SLC24A2: variants seen among roughly 807,000 people sequenced by gnomAD.
SLC24A2 encodes solute carrier family 24 member 2.
Under a neutral mutation model 62.0 loss-of-function variants are expected in SLC24A2, and 36 were observed. The observed-to-expected ratio is 0.58, with a 90% confidence interval of 0.44 to 0.77. SLC24A2 has a LOEUF of 0.77. Among genes scored for constraint, SLC24A2 ranks in the 30% least tolerant of loss-of-function variants. The pLI is 0.00. For missense variants in SLC24A2, 846 were observed against 817.9 expected, an observed-to-expected ratio of 1.03 and a Z score of -0.42; for synonymous variants, 358 against 294.0, an observed-to-expected ratio of 1.22 and a Z score of -2.23.
At chr9:20,258,095 G>T in the SLC24A2 span, among the ~76,000 whole-genome samples, 1 of 152,162 alleles carries the variant, frequency 6.6e-6, no homozygotes, top group African/African-American at 2.4e-5. Flanking sequence ...ACCCCATGTG[G>T]TAGGGAGAAT....
intron 2 of SLC24A2, among the ~76,000 whole-genome samples, chr9:19,726,627 C>G (rs1484557662): frequency 6.6e-6 from 1 of 152,162 alleles, no homozygotes; most frequent in Non-Finnish European, 1.5e-5. Flanking sequence ...TATCAAATTC[C>G]TGTTGGCTAA....
chr9:20,006,079 A>G, the SLC24A2 span, among the ~76,000 whole-genome samples: 1 of 151,730 alleles, frequency 6.6e-6, no homozygotes, highest in Non-Finnish European at 1.5e-5. Flanking sequence ...TTAATAAGAA[A>G]CTACATGATA....
the SLC24A2 span, among the ~76,000 whole-genome samples, chr9:20,127,073 C>A: frequency 1.3e-5 from 2 of 151,762 alleles, no homozygotes; most frequent in Non-Finnish European, 2.9e-5. Flanking sequence ...CTTTTCTTTA[C>A]CCCACCCTAA....
At chr9:20,264,336 C>G in the SLC24A2 span, among the ~76,000 whole-genome samples, 1 of 152,224 alleles carries the variant, frequency 6.6e-6, no homozygotes, top group Non-Finnish European at 1.5e-5. Flanking sequence ...CCCCTTTTCT[C>G]AGATAACTCA....
chr9:20,000,982 A>G, the SLC24A2 span, among the ~76,000 whole-genome samples: 1 of 152,224 alleles, frequency 6.6e-6, no homozygotes, highest in Non-Finnish European at 1.5e-5. Flanking sequence ...GATGAATATT[A>G]TCTTGGTATC....
At chr9:20,169,574 G>A in the SLC24A2 span, among the ~76,000 whole-genome samples, 2 of 152,028 alleles carry the variant, frequency 1.3e-5, no homozygotes, top group Admixed American at 6.6e-5. Context: ...GGATCCAGAA[G>A]AGAGATAACA....
chr9:20,298,254 A>C, the SLC24A2 span, among the ~76,000 whole-genome samples: 2 of 152,158 alleles, frequency 1.3e-5, no homozygotes, highest in Admixed American at 1.3e-4. Flanking sequence ...TTTGAGATGG[A>C]GTCTTACTCT....
At chr9:19,837,438 G>A in the SLC24A2 span, among the ~76,000 whole-genome samples, 12,956 of 110,382 alleles carry the variant, frequency 0.12, 893 homozygotes, top group African/African-American at 0.23. Flanking sequence ...CGGCCTGGGC[G>A]ACAGAGCGAG....
rs375692442 is a variant in SLC24A2 at position 19,731,679 on chromosome 9, C to T, written c.930+54258G>A. Among the ~76,000 whole-genome samples, 3 of 152,264 alleles carry T rather than the reference C, an allele frequency of 2.0e-5. No homozygotes were observed. The East Asian group carries it at 5.8e-4, about 29-fold the overall frequency. ...AGTACTGTGAGACATAGATTTCTGC[C>T]GTTTAAGCCACCCAGTCTGTGGTAT... is the stretch of plus-strand genomic sequence containing the variant. On this transcript the variant is annotated intron_variant, in intron 2 of 10. Coordinates refer to ENST00000341998, the MANE Select transcript of SLC24A2 (RefSeq NM_020344.4).
intron 7 of SLC24A2, among the ~76,000 whole-genome samples, chr9:19,559,038 T>A (rs1835259659): frequency 6.6e-6 from 1 of 152,226 alleles, no homozygotes; most frequent in South Asian, 2.1e-4. Flanking sequence ...AAATACCCAT[T>A]CTTTTACAAC....
the SLC24A2 span, among the ~76,000 whole-genome samples, chr9:19,801,142 AC>A: frequency 6.6e-6 from 1 of 152,162 alleles, no homozygotes; most frequent in African/African-American, 2.4e-5. Context: ...GTGTTCTCTG[AC>A]CTGGGGTTCT....
chr9:19,858,297 G>C, the SLC24A2 span, among the ~76,000 whole-genome samples: 1 of 152,166 alleles, frequency 6.6e-6, no homozygotes, highest in African/African-American at 2.4e-5. Context: ...TAATTGGCTA[G>C]CCATATGAAA....
At chr9:19,655,239 T>C (rs1032050255) in intron 2 of SLC24A2, among the ~76,000 whole-genome samples, 1 of 152,246 alleles carries the variant, frequency 6.6e-6, no homozygotes, top group Non-Finnish European at 1.5e-5. Context: ...ATGTGAGAAG[T>C]GAGCTCATGA....
chr9:19,718,238 G>A (rs192450966), intron 2 of SLC24A2, among the ~76,000 whole-genome samples: 1 of 145,534 alleles, frequency 6.9e-6, no homozygotes, highest in Non-Finnish European at 1.5e-5. Flanking sequence ...GCCTCCCAAA[G>A]TGCTGGGATT....
At chr9:20,115,551 C>A in the SLC24A2 span, among the ~76,000 whole-genome samples, 1 of 152,126 alleles carries the variant, frequency 6.6e-6, no homozygotes, top group Admixed American at 6.6e-5. Context: ...TGAGCCCCAA[C>A]AATGCCTGTA....
chr9:20,247,803 T>G, the SLC24A2 span, among the ~76,000 whole-genome samples: 4 of 152,202 alleles, frequency 2.6e-5, no homozygotes, highest in Admixed American at 2.6e-4. Flanking sequence ...CATAACAGTT[T>G]AAGAGCATGA....
chr9:20,279,991 A>G, the SLC24A2 span, among the ~76,000 whole-genome samples: 3 of 152,216 alleles, frequency 2.0e-5, no homozygotes, highest in East Asian at 1.9e-4. Flanking sequence ...AAATTCTCAC[A>G]TAAGTGCCCC....
the SLC24A2 span, among the ~76,000 whole-genome samples, chr9:19,864,429 A>G: frequency 6.6e-6 from 1 of 152,068 alleles, no homozygotes; most frequent in African/African-American, 2.4e-5. Context: ...CCTGACGAAT[A>G]TTGATGCAAA....
At chr9:19,566,807 G>T (rs2132824527) in intron 7 of SLC24A2, among the ~76,000 whole-genome samples, 1 of 152,342 alleles carries the variant, frequency 6.6e-6, no homozygotes, top group East Asian at 1.9e-4. Context: ...CATGTCCTTT[G>T]TAGGGACACG....
Sources: allele counts gnomAD v4.1 joint callset (sites outside exome capture counted in the v4.1 genomes callset), GRCh38; gene constraint gnomAD v4.1.1; transcripts MANE v1.5; gene names NCBI Gene and HGNC (gene_info 2026-07-23, HGNC 2026-07-21).